Variants in NSL1 observed in about 807,000 individuals in gnomAD.
NSL1 encodes the protein kinetochore-associated protein NSL1 homolog.
In NSL1, 11 loss-of-function variants were observed where a neutral mutation model predicts 25.4. The observed-to-expected ratio is 0.43, with a 90% CI of 0.27 to 0.72. The LOEUF is 0.72. NSL1 is among the 30% of genes least tolerant of loss of function. The probability of loss-of-function intolerance (pLI) is 0.19; values close to 1 mark genes in which losing one functional copy is unlikely to be tolerated. For missense variants in NSL1, 330 were observed against 342.7 expected (o/e 0.96, Z 0.29); for synonymous variants, 118 against 120.6 (o/e 0.98, Z 0.14).
intron 4 of NSL1, among the ~76,000 whole-genome samples, chr1:212,767,965 T>G (rs527713057): frequency 6.6e-6 from 1 of 152,332 alleles, no homozygotes; most frequent in Admixed American, 6.5e-5. Flanking sequence ...ACTTTCACAA[T>G]GCTGGTGGGA....
In NSL1 at chr1:212,728,085, TC is replaced by T. The variant is rs1657861555; in HGVS notation, c.*10322del. 1 of 984,404 alleles carries T rather than the reference TC, an allele frequency of 1.0e-6. No individual in the cohort carries two copies. The highest frequency in any genetic ancestry group is 4.7e-5 in the South Asian group (1 of 21,272). 61.0% of individuals were successfully genotyped at this position (984,404 alleles called of 1,614,324 possible). A position where few individuals can be genotyped will look rare whatever the true frequency, so the allele number is the denominator to read the frequency against. ...GTGGCCAGGCACTTCCCTTCTCATC[TC>T]CACCTCTTTCTCATGAAATGGGCGT... On this transcript the variant is annotated 3_prime_UTR_variant, in exon 6 of 6. Coordinates refer to ENST00000366977, the MANE Select transcript of NSL1 (RefSeq NM_015471.4).
intron 4 of NSL1, among the ~76,000 whole-genome samples, chr1:212,754,707 G>A (rs1659219631): frequency 7.2e-6 from 1 of 139,582 alleles, no homozygotes; most frequent in African/African-American, 2.7e-5. Context: ...AACCCAGGAG[G>A]CAGAGGTTGC....
Position 212,728,884 on chromosome 1 carries a change from G to A in NSL1, c.*9524C>T, listed in dbSNP as rs1029827506. 5 of 985,218 alleles carry A rather than the reference G, an allele frequency of 5.1e-6. No individual in the cohort carries two copies. In the East Asian group the frequency reaches 5.7e-4, roughly 112 times the overall value. 61.0% of individuals were successfully genotyped at this position (985,218 alleles called of 1,614,324 possible). A position where few individuals can be genotyped will look rare whatever the true frequency, so the allele number is the denominator to read the frequency against. On this transcript the variant is annotated 3_prime_UTR_variant, in exon 6 of 6. Transcript: ENST00000366977. ...AGACTGGGAGTGCTGGGGGTGGGGA[G>A]GCCAGAGTCCACCACTCTGGCAAAG... is the stretch of plus-strand genomic sequence containing the variant.
chr1:212,738,767 T>A (rs1571862953), intron 5 of NSL1, 81 bp from the exon 6 acceptor site: 1 of 62,118 alleles, frequency 1.6e-5, no homozygotes, highest in Non-Finnish European at 2.8e-5. Flanking sequence ...AGTACTCTAA[T>A]TTTTTTTTTT....
At chr1:212,745,593 T>C (rs1294117978) in intron 4 of NSL1, among the ~76,000 whole-genome samples, 3 of 152,210 alleles carry the variant, frequency 2.0e-5, no homozygotes, top group Non-Finnish European at 4.4e-5. Flanking sequence ...TAAAAAAATC[T>C]GTCCACCAAG....
intron 4 of NSL1, among the ~76,000 whole-genome samples, chr1:212,774,490 C>T (rs1178398376): frequency 6.6e-6 from 1 of 152,128 alleles, no homozygotes; most frequent in African/African-American, 2.4e-5. Flanking sequence ...TATAACTCAA[C>T]AATAAAAAGA....
At chr1:212,768,756 C>T (rs376085159) in intron 4 of NSL1, among the ~76,000 whole-genome samples, 8 of 152,256 alleles carry the variant, frequency 5.3e-5, no homozygotes, top group South Asian at 2.1e-4. Flanking sequence ...TAAAAGACTA[C>T]ATTTTGGGTA....
chr1:212,747,688 A>C (rs183922173), intron 4 of NSL1, among the ~76,000 whole-genome samples: 2 of 152,386 alleles, frequency 1.3e-5, no homozygotes, highest in Admixed American at 1.3e-4. Context: ...TAACTAATAC[A>C]ACATGAGAGC....
intron 4 of NSL1, among the ~76,000 whole-genome samples, chr1:212,779,852 G>A (rs775269056): frequency 1.1e-4 from 15 of 139,094 alleles, no homozygotes; most frequent in Non-Finnish European, 1.7e-4. Flanking sequence ...CCCCCCGCCC[G>A]ACCAGCCGCC....
At position 212,728,209 on chromosome 1, in the gene NSL1, C is replaced by T. The variant is rs779443914; in HGVS notation, c.*10199G>A. The T allele has an allele frequency of 8.9e-5, 83 of 928,222 alleles. No homozygotes were observed. The highest frequency in any genetic ancestry group is 1.0e-4 in the Non-Finnish European group (80 of 778,106). 57.5% of individuals were successfully genotyped at this position (928,222 alleles called of 1,614,324 possible). A position where few individuals can be genotyped will look rare whatever the true frequency, so the allele number is the denominator to read the frequency against. ...CATGGCATGTAGTAAGCACTCAATA[C>T]ATGGTAACTACTAGCATTATATTGA... On this transcript the variant is annotated 3_prime_UTR_variant, in exon 6 of 6. Transcript: ENST00000366977.
At chr1:212,745,375 A>G (rs1157114524) in intron 4 of NSL1, among the ~76,000 whole-genome samples, 1 of 151,924 alleles carries the variant, frequency 6.6e-6, no homozygotes, top group Non-Finnish European at 1.5e-5. Flanking sequence ...AAGCTCAACA[A>G]ACTCCAAGCA....
Position 212,775,807 on chromosome 1 carries a change from G to A in NSL1, c.499+6565C>T, listed in dbSNP as rs547253226. Among the ~76,000 whole-genome samples, 54 of 152,234 alleles carry A rather than the reference G, an allele frequency of 3.5e-4. 1 individual carries two copies. Among genetic ancestry groups the A allele is most frequent in the Admixed American group, 3.1e-3 (48 of 15,298 alleles). On this transcript the variant is annotated intron_variant, in intron 4 of 5. Coordinates refer to ENST00000366977, the MANE Select transcript of NSL1 (RefSeq NM_015471.4). ...TAATTAATCATTGAGTACAAAAAAA[G>A]TAGTAACCATAAATTGGTGGTTTTT...
chr1:212,780,348 C>T (rs995200911), intron 4 of NSL1, among the ~76,000 whole-genome samples: 2 of 151,460 alleles, frequency 1.3e-5, no homozygotes, highest in Admixed American at 1.3e-4. Flanking sequence ...TCTCAAGTAC[C>T]CAGGGACACA....
Position 212,730,345 on chromosome 1 carries a change from G to C in NSL1, c.*8063C>G. On this transcript the variant is annotated 3_prime_UTR_variant, in exon 6 of 6. Transcript: ENST00000366977. ...GGCATTCCCATCAAGGTGGCATCAG[G>C]GGCAGAAATGGACAAAAGAACTCCA... 1 of 984,862 alleles carries C rather than the reference G, an allele frequency of 1.0e-6. No individual in the cohort carries two copies. The highest frequency in any genetic ancestry group is 1.2e-6 in the Non-Finnish European group (1 of 829,874). 61.0% of individuals were successfully genotyped at this position (984,862 alleles called of 1,614,324 possible). A position where few individuals can be genotyped will look rare whatever the true frequency, so the allele number is the denominator to read the frequency against.
At chr1:212,746,621 T>C (rs1248289512) in intron 4 of NSL1, among the ~76,000 whole-genome samples, 1 of 152,208 alleles carries the variant, frequency 6.6e-6, no homozygotes, top group Admixed American at 6.5e-5. Flanking sequence ...ATTCCAACTC[T>C]ATTCTGTCTA....
chr1:212,768,197 G>A (rs894629389), intron 4 of NSL1, among the ~76,000 whole-genome samples: 3 of 152,070 alleles, frequency 2.0e-5, no homozygotes, highest in South Asian at 2.1e-4. Context: ...GCACACGCCT[G>A]TAGTCCCAGC....
intron 4 of NSL1, among the ~76,000 whole-genome samples, chr1:212,777,436 T>C (rs958107361): frequency 4.0e-5 from 6 of 151,618 alleles, no homozygotes; most frequent in Non-Finnish European, 7.4e-5. Context: ...TTAGTCCCCC[T>C]GTAAAGGAAT....
intron 4 of NSL1, among the ~76,000 whole-genome samples, chr1:212,750,136 T>A (rs368746204): frequency 4.4e-4 from 66 of 151,592 alleles, no homozygotes; most frequent in African/African-American, 1.4e-3. Context: ...TTGAACAGAG[T>A]GCCTAACGTG....
intron 4 of NSL1, among the ~76,000 whole-genome samples, chr1:212,744,003 C>T (rs969062894): frequency 6.6e-6 from 1 of 152,120 alleles, no homozygotes; most frequent in Non-Finnish European, 1.5e-5. Flanking sequence ...GGAACTCTCT[C>T]AGGGTGGAAA....
Sources: gnomAD v4.1 joint callset for allele counts (sites outside exome capture counted in the v4.1 genomes callset) on GRCh38, gnomAD v4.1.1 for gene constraint, MANE v1.5 for transcripts, NCBI Gene and HGNC (gene_info 2026-07-23, HGNC 2026-07-21) for gene names.